Variants in CDH8 observed in about 807,000 individuals in gnomAD.
CDH8 encodes the protein cadherin 8.
In CDH8, 17 loss-of-function variants were observed where a neutral mutation model predicts 68.1. The observed-to-expected ratio is 0.25, with a 90% confidence interval of 0.17 to 0.37. The LOEUF is 0.37. Ranked by LOEUF, CDH8 falls within the 10% of genes least tolerant of loss-of-function variation. The pLI is 1.00. For missense variants in CDH8, 763 were observed against 999.3 expected (o/e 0.76, Z 3.19); for synonymous variants, 372 against 365.1 (o/e 1.02, Z -0.21).
intron 8 of CDH8, among the ~76,000 whole-genome samples, chr16:61,778,099 C>T (rs1240721394): frequency 6.6e-6 from 1 of 152,060 alleles, no homozygotes; most frequent in Non-Finnish European, 1.5e-5. Flanking sequence ...AGCCTCTTAA[C>T]CACCTCTGTA....
At chr16:61,839,136 A>T (rs1962631203) in intron 4 of CDH8, among the ~76,000 whole-genome samples, 1 of 152,144 alleles carries the variant, frequency 6.6e-6, no homozygotes, top group Non-Finnish European at 1.5e-5. Context: ...ATTTCCTGAG[A>T]TCCCATAAAA....
At chr16:61,987,089 T>A (rs1965642447) in intron 2 of CDH8, among the ~76,000 whole-genome samples, 2 of 152,218 alleles carry the variant, frequency 1.3e-5, no homozygotes, top group Admixed American at 1.3e-4. Flanking sequence ...CTCCATTGAA[T>A]TAATCTACTC....
chr16:61,800,675 C>T (rs1053854862), intron 7 of CDH8, among the ~76,000 whole-genome samples: 3 of 152,160 alleles, frequency 2.0e-5, no homozygotes, highest in South Asian at 2.1e-4. Context: ...TCCCATTCCC[C>T]AGCAAGCAGA....
intron 7 of CDH8, among the ~76,000 whole-genome samples, chr16:61,790,794 A>G (rs1274716996): frequency 6.6e-6 from 1 of 152,022 alleles, no homozygotes; most frequent in South Asian, 2.1e-4. Context: ...GCATCTACCA[A>G]TTTGTACCTA....
At chr16:61,791,195 C>A (rs770752814) in intron 7 of CDH8, among the ~76,000 whole-genome samples, 2 of 151,904 alleles carry the variant, frequency 1.3e-5, no homozygotes, top group Non-Finnish European at 2.9e-5. Context: ...ACAAATCACT[C>A]CCATCCCCAA....
intron 8 of CDH8, among the ~76,000 whole-genome samples, chr16:61,750,069 C>T (rs932641116): frequency 2.6e-5 from 4 of 152,120 alleles, no homozygotes; most frequent in Admixed American, 2.6e-4. Context: ...TGTCTCCCTC[C>T]CAGCTCTAGT....
chr16:61,693,678 G>A (rs556373027), intron 10 of CDH8: 18 of 152,274 alleles, frequency 1.2e-4, no homozygotes, highest in Admixed American at 1.1e-3. Context: ...TCATGCCAGT[G>A]TGGGGCCCTG....
chr16:61,848,591 A>G (rs1197517984), intron 4 of CDH8, among the ~76,000 whole-genome samples: 4 of 152,044 alleles, frequency 2.6e-5, no homozygotes, highest in Non-Finnish European at 5.9e-5. Flanking sequence ...GAAGACAACA[A>G]ATGGGAAAAT....
intron 3 of CDH8, among the ~76,000 whole-genome samples, chr16:61,863,550 G>A (rs1963194790): frequency 6.6e-6 from 1 of 152,102 alleles, no homozygotes; most frequent in Non-Finnish European, 1.5e-5. Context: ...TGCTGGTGCT[G>A]ACACCCTGAT....
At chr16:61,679,877 C>A (rs11862752) in intron 10 of CDH8, among the ~76,000 whole-genome samples, 17,379 of 151,910 alleles carry the variant, frequency 0.11, 996 homozygotes, top group Non-Finnish European at 0.12. Context: ...TCATTGTAGT[C>A]TATGCCATGG....
chr16:61,756,049 G>A (rs1384964502), intron 8 of CDH8, among the ~76,000 whole-genome samples: 2 of 151,880 alleles, frequency 1.3e-5, no homozygotes, highest in African/African-American at 4.8e-5. Flanking sequence ...TCAAACTCCC[G>A]GGCTCAAGTG....
chr16:61,669,249 T>G (rs1409824765), intron 10 of CDH8, among the ~76,000 whole-genome samples: 3 of 152,070 alleles, frequency 2.0e-5, no homozygotes, highest in Non-Finnish European at 4.4e-5. Flanking sequence ...CCATCTTAAA[T>G]TCTTTCAAGT....
intron 3 of CDH8, among the ~76,000 whole-genome samples, chr16:61,858,827 T>C (rs1188256750): frequency 2.0e-5 from 3 of 152,120 alleles, no homozygotes; most frequent in Non-Finnish European, 4.4e-5. Flanking sequence ...GCATGCAAGA[T>C]GCCCCCTGAG....
chr16:61,963,691 A>C (rs1365820599), intron 2 of CDH8, among the ~76,000 whole-genome samples: 3 of 152,088 alleles, frequency 2.0e-5, no homozygotes, highest in African/African-American at 7.2e-5. Context: ...CAAACTACCC[A>C]CTTTCTAAAG....
intron 2 of CDH8, among the ~76,000 whole-genome samples, chr16:61,945,253 A>G (rs1056128793): frequency 6.6e-6 from 1 of 152,130 alleles, no homozygotes; most frequent in Non-Finnish European, 1.5e-5. Context: ...GATTAAATGC[A>G]ATGGTAAATG....
chr16:61,914,248 C>G (rs763631640), intron 2 of CDH8, among the ~76,000 whole-genome samples: 9 of 152,178 alleles, frequency 5.9e-5, no homozygotes, highest in Non-Finnish European at 1.3e-4. Context: ...TTAAGTCACC[C>G]AGTCTGTGGC....
chr16:61,817,498 T>TA lies in CDH8; in HGVS notation c.1257dup (p.Ile420TyrfsTer15). 1 of 1,613,960 alleles carries TA rather than the reference T, an allele frequency of 6.2e-7. No individual in the cohort carries two copies. Among genetic ancestry groups the TA allele is most frequent in the Non-Finnish European group, 8.5e-7 (1 of 1,179,916 alleles). On this transcript the variant is annotated frameshift_variant, in exon 7 of 12. Transcript: ENST00000577390. LOFTEE classifies it high-confidence loss of function. ...AAATACCTTATAGGACTGGAAGTGA[T>TA]ATCAGGGTCACGAGCAGTCACTTGC...
At chr16:61,860,326 C>T (rs1394456614) in intron 3 of CDH8, among the ~76,000 whole-genome samples, 1 of 152,018 alleles carries the variant, frequency 6.6e-6, no homozygotes, top group Non-Finnish European at 1.5e-5. Flanking sequence ...TTAATTAACC[C>T]GTTTTAGGTA....
chr16:61,872,381 A>G (rs1963386028), intron 3 of CDH8, among the ~76,000 whole-genome samples: 1 of 152,186 alleles, frequency 6.6e-6, no homozygotes, highest in African/African-American at 2.4e-5. Flanking sequence ...AAATCAATAC[A>G]TGTAAAATTT....
Sources: gnomAD v4.1 joint callset for allele counts (sites outside exome capture counted in the v4.1 genomes callset) on GRCh38, gnomAD v4.1.1 for gene constraint, MANE v1.5 for transcripts, NCBI Gene and HGNC (gene_info 2026-07-23, HGNC 2026-07-21) for gene names.